MYO5B: variants seen among roughly 807,000 people sequenced by gnomAD.
The protein encoded by MYO5B is myosin VB, also known as unconventional myosin-Vb.
A neutral mutation model predicts 229.3 loss-of-function variants in MYO5B; 143 were observed. The observed-to-expected ratio is 0.62, with a 90% CI of 0.54 to 0.72. The LOEUF is 0.72. Ranked by LOEUF, MYO5B falls within the 30% of genes least tolerant of loss-of-function variation. The pLI is 0.00. For missense variants in MYO5B, 2,321 were observed against 2,331.0 expected (o/e 1.00, Z 0.09); for synonymous variants, 918 against 885.2 (o/e 1.04, Z -0.66).
intron 1 of MYO5B, among the ~76,000 whole-genome samples, chr18:50,127,244 C>A (rs570219687): frequency 6.6e-6 from 1 of 152,282 alleles, no homozygotes. Context: ...CATATTTGGG[C>A]ACCTATTATA....
intron 1 of MYO5B, among the ~76,000 whole-genome samples, chr18:50,187,139 C>T (rs1444255436): frequency 3.3e-5 from 5 of 152,256 alleles, no homozygotes; most frequent in African/African-American, 1.2e-4. Context: ...CTTCTGTCCA[C>T]ACTCAAGGTG....
intron 27 of MYO5B, among the ~76,000 whole-genome samples, chr18:49,870,326 A>C (rs2024443047): frequency 6.6e-6 from 1 of 152,230 alleles, no homozygotes; most frequent in African/African-American, 2.4e-5. Context: ...TAAGACCTAA[A>C]ATTGTAAAAC....
chr18:49,984,823 T>C lies in MYO5B; in HGVS notation c.841A>G (p.Ser281Gly), dbSNP rs2025854233. ...GATGTATAGAAAAAGTCCTCTGCACTTGCTGTGGGAGGCGAGGAAATAAGG... is the reference window on the plus strand; with the variant it reads ...GATGTATAGAAAAAGTCCTCTGCACCTGCTGTGGGAGGCGAGGAAATAAGG... Reference protein sequence around the residue: ...LPEFKELALTSAEDFFYTSQG... With the variant: ...LPEFKELALTGAEDFFYTSQG... Residue 281 changes from serine (S) to glycine (G), a missense_variant and splice_region_variant, in exon 8 of 40, where the codon AGT (serine) becomes GGT (glycine). Ser to Gly is a moderately conservative substitution (Grantham distance 56). Around this residue, in one of 2 missense-constraint regions of MYO5B, gnomAD observed 2,113 missense variants for 2,044.7 expected, o/e 1.03. Transcript: ENST00000285039. The C allele has an allele frequency of 6.2e-7, 1 of 1,600,070 alleles. No homozygotes were observed.
intron 21 of MYO5B, 37 bp from the exon 22 acceptor site, chr18:49,895,211 G>C (rs1218020987): frequency 1.3e-6 from 2 of 1,537,364 alleles, no homozygotes; most frequent in South Asian, 1.1e-5. Flanking sequence ...GAAGGGAGAA[G>C]AAGTGGGGGA....
chr18:50,076,287 A>G (rs16951452), intron 1 of MYO5B, among the ~76,000 whole-genome samples: 14,172 of 152,206 alleles, frequency 0.093, 1,215 homozygotes, highest in African/African-American at 0.23. Flanking sequence ...GCTGAACTGT[A>G]AGCTGACAAG....
chr18:49,855,077 G>T (rs1475162615), intron 30 of MYO5B, among the ~76,000 whole-genome samples: 2 of 152,162 alleles, frequency 1.3e-5, no homozygotes, highest in African/African-American at 4.8e-5. Flanking sequence ...ATGAAATACA[G>T]CATTTAGATA....
chr18:49,897,219 G>A (rs1350002057), intron 21 of MYO5B, among the ~76,000 whole-genome samples: 1 of 152,152 alleles, frequency 6.6e-6, no homozygotes, highest in Non-Finnish European at 1.5e-5. Flanking sequence ...ACCTGCAGGT[G>A]TCACAGCCAT....
intron 17 of MYO5B, among the ~76,000 whole-genome samples, chr18:49,927,218 T>C (rs1434445017): frequency 5.9e-5 from 9 of 152,096 alleles, no homozygotes; most frequent in African/African-American, 2.2e-4. Flanking sequence ...AAAGAAATCA[T>C]AGATGACACA....
intron 19 of MYO5B, among the ~76,000 whole-genome samples, 156 bp downstream of exon 19, chr18:49,906,263 T>C (rs2024897979): frequency 6.6e-6 from 1 of 152,064 alleles, no homozygotes. Context: ...ATTATAGGGA[T>C]AGGCCCAGCT....
chr18:50,091,201 A>G (rs1021706446), intron 1 of MYO5B, among the ~76,000 whole-genome samples: 2 of 152,204 alleles, frequency 1.3e-5, no homozygotes, highest in African/African-American at 4.8e-5. Context: ...ACTATCATTC[A>G]GACGCACTGG....
At chr18:50,106,537 C>G (rs2031763411) in intron 1 of MYO5B, among the ~76,000 whole-genome samples, 1 of 152,186 alleles carries the variant, frequency 6.6e-6, no homozygotes, top group Admixed American at 6.5e-5. Context: ...TCCCTAAATG[C>G]TTCATGCTCT....
At chr18:50,150,654 G>T (rs180860158) in intron 1 of MYO5B, among the ~76,000 whole-genome samples, 2 of 152,114 alleles carry the variant, frequency 1.3e-5, no homozygotes, top group South Asian at 4.2e-4. Context: ...GGACACAGGA[G>T]GGGGAACATC....
At chr18:49,863,997 C>T in intron 28 of MYO5B, 144 bp downstream of exon 28, 1 of 1,264,054 alleles carries the variant, frequency 7.9e-7, no homozygotes, top group Non-Finnish European at 1.1e-6. Context: ...GGCTTTTGCT[C>T]TGCCTTTTTG....
At chr18:49,908,151 GAAA>G (rs368513415) in intron 18 of MYO5B, among the ~76,000 whole-genome samples, 2 of 151,690 alleles carry the variant, frequency 1.3e-5, no homozygotes, top group African/African-American at 4.8e-5. Flanking sequence ...CCCTATTTCG[GAAA>G]AAAAACAGGA....
At chr18:50,055,531 G>A (rs1378759812) in intron 1 of MYO5B, among the ~76,000 whole-genome samples, 153 bp from the exon 2 acceptor site, 2 of 152,160 alleles carry the variant, frequency 1.3e-5, no homozygotes, top group East Asian at 1.9e-4. Flanking sequence ...AACGTGATCC[G>A]ATATCATGAT....
In MYO5B at chr18:49,836,821, G is replaced by T. The variant is rs1568602881; in HGVS notation, c.5203C>A (p.Gln1735Lys). Reference protein sequence around the residue: ...GRNLHQSGAVQTMEPLIQAAQ... With the variant: ...GRNLHQSGAVKTMEPLIQAAQ... ...GCTTGGATCAGAGGTTCCATGGTCT[G>T]AACTGCTCCACTCTGGTGAAGGTTT... The change falls in exon 38 of 40, where the codon CAG becomes AAG. Residue 1735 changes from glutamine (Q) to lysine (K), a missense_variant. This residue lies in a region of MYO5B where 208 missense variants were observed against 286.3 expected (regional missense o/e 0.73). Coordinates refer to ENST00000285039, the MANE Select transcript of MYO5B (RefSeq NM_001080467.3). 5 of 1,614,090 alleles carry T rather than the reference G, an allele frequency of 3.1e-6. No individual in the cohort carries two copies. The highest frequency in any genetic ancestry group is 1.6e-4 in the Middle Eastern group (1 of 6,084).
intron 2 of MYO5B, 98 bp from the exon 3 acceptor site, chr18:50,040,412 T>C: frequency 8.7e-7 from 1 of 1,146,090 alleles, no homozygotes; most frequent in Non-Finnish European, 1.3e-6. Flanking sequence ...CATCTTAACA[T>C]GATAGTAAGT....
At chr18:49,994,205 C>T (rs1294629673) in intron 5 of MYO5B, among the ~76,000 whole-genome samples, 1 of 152,198 alleles carries the variant, frequency 6.6e-6, no homozygotes, top group Non-Finnish European at 1.5e-5. Flanking sequence ...TCTTCTTCCC[C>T]TTAGCCCATA....
chr18:50,087,865 A>C (rs1159447235), intron 1 of MYO5B, among the ~76,000 whole-genome samples: 1 of 152,208 alleles, frequency 6.6e-6, no homozygotes, highest in African/African-American at 2.4e-5. Context: ...CTGGGGACTC[A>C]GCCCTCATGC....
Sources: gnomAD v4.1 joint callset for allele counts (sites outside exome capture counted in the v4.1 genomes callset) on GRCh38, gnomAD v4.1.1 for gene constraint, gnomAD v4.1.1 regional missense constraint, MANE v1.5 for transcripts, NCBI Gene and HGNC (gene_info 2026-07-23, HGNC 2026-07-21) for gene names.